Variants in RASGRP3 observed in about 807,000 individuals in gnomAD.
The protein encoded by RASGRP3 is RAS guanyl releasing protein 3.
In RASGRP3, 54 loss-of-function variants were observed where a neutral mutation model predicts 82.7. The observed-to-expected ratio is 0.65, with a 90% CI of 0.52 to 0.82. The LOEUF (loss-of-function observed/expected upper bound fraction) is 0.82. RASGRP3 is among the 40% of genes least tolerant of loss of function. The pLI, the probability that RASGRP3 is intolerant of heterozygous loss-of-function variation, is 0.00. For missense variants in RASGRP3, 861 were observed against 828.9 expected (o/e 1.04, Z -0.48); for synonymous variants, 309 against 300.5 (o/e 1.03, Z -0.29).
At chr2:33,540,578 G>GT (rs375465101) in intron 12 of RASGRP3, among the ~76,000 whole-genome samples, 2 of 68,394 alleles carry the variant, frequency 2.9e-5, no homozygotes, top group Non-Finnish European at 8.1e-5. Flanking sequence ...GTGTGTGTGT[G>GT]TGTGTGTGTG....
intron 2 of RASGRP3, among the ~76,000 whole-genome samples, chr2:33,471,349 T>A (rs796465966): frequency 1.4e-5 from 2 of 147,024 alleles, no homozygotes; most frequent in African/African-American, 5.1e-5. Context: ...CTATTTTTTT[T>A]TTTTTTTTTT....
intron 17 of RASGRP3, among the ~76,000 whole-genome samples, chr2:33,562,460 G>A (rs147384226): frequency 1.3e-5 from 2 of 150,988 alleles, no homozygotes; most frequent in South Asian, 2.1e-4. Flanking sequence ...TTGTAGAGAC[G>A]GGGTCTTGCT....
At chr2:33,524,855 G>A (rs533804473) in intron 9 of RASGRP3, among the ~76,000 whole-genome samples, 44 of 152,010 alleles carry the variant, frequency 2.9e-4, no homozygotes, top group African/African-American at 7.5e-4. Flanking sequence ...TGAGGCGGGC[G>A]GATCACAAGG....
intron 2 of RASGRP3, among the ~76,000 whole-genome samples, chr2:33,464,924 C>T (rs1026341967): frequency 1.3e-5 from 2 of 152,174 alleles, no homozygotes; most frequent in African/African-American, 4.8e-5. Flanking sequence ...TCTCCTCAGG[C>T]CTTCCTATTC....
chr2:33,497,027 CT>C (rs1558445859), intron 1 of RASGRP3, among the ~76,000 whole-genome samples: 3 of 152,168 alleles, frequency 2.0e-5, no homozygotes, highest in Admixed American at 6.6e-5. Context: ...TTAATGGTAG[CT>C]TTTTTTCTTT....
intron 2 of RASGRP3, among the ~76,000 whole-genome samples, chr2:33,512,817 A>AG (rs1671060440): frequency 6.6e-6 from 1 of 152,222 alleles, no homozygotes; most frequent in Non-Finnish European, 1.5e-5. Flanking sequence ...TTAGGTGTTA[A>AG]GGTGTATACC....
At chr2:33,464,343 C>A (rs1666558886) in intron 2 of RASGRP3, among the ~76,000 whole-genome samples, 1 of 151,166 alleles carries the variant, frequency 6.6e-6, no homozygotes, top group Admixed American at 6.6e-5. Flanking sequence ...TGGTCTTGAA[C>A]TCCTGAGCTC....
At chr2:33,523,011 G>T (rs1672178327) in intron 7 of RASGRP3, among the ~76,000 whole-genome samples, 1 of 152,168 alleles carries the variant, frequency 6.6e-6, no homozygotes, top group Admixed American at 6.5e-5. Flanking sequence ...CCTTGCTAAA[G>T]AGCAGCCTTA....
chr2:33,527,269 GTCA>G lies in RASGRP3; in HGVS notation c.942_944del (p.Ile315del). 6.2e-7 allele frequency: 1 copy of G among 1,613,996 alleles called. No individual in the cohort carries two copies. The highest frequency in any genetic ancestry group is 8.5e-7 in the Non-Finnish European group (1 of 1,179,888). On this transcript the variant is annotated inframe_deletion, in exon 10 of 18. Transcript: ENST00000403687. ...CTTGAAAGACTTGATAGCTGTCCAT[GTCA>G]TTTTCCCAGACTGGACAGAGGAGAA...
At chr2:33,559,294 G>A (rs566770251) in intron 17 of RASGRP3, among the ~76,000 whole-genome samples, 11 of 152,266 alleles carry the variant, frequency 7.2e-5, no homozygotes, top group East Asian at 5.8e-4. Context: ...TCATGTGTGC[G>A]TACTGAAATG....
chr2:33,559,505 CAG>C (rs907430439), intron 17 of RASGRP3: 2 of 413,492 alleles, frequency 4.8e-6, no homozygotes, highest in African/African-American at 4.1e-5. Context: ...TGGTGAGAAT[CAG>C]AGATACGAGG....
In RASGRP3 at chr2:33,549,722, C is replaced by T; in HGVS notation, c.1513C>T (p.Pro505Ser). The T allele has an allele frequency of 6.2e-7, 1 of 1,613,928 alleles. No individual in the cohort carries two copies. The highest frequency in any genetic ancestry group is 1.1e-5 in the South Asian group (1 of 91,048). ...TTTTCAGGAGATGACCTATCTCAAG[C>T]CAACCTTCTGCGAACACTGTGCGGG... ...HNFQEMTYLK[P>S]TFCEHCAGFL... Residue 505 changes from proline to serine, a missense_variant, in exon 14 of 18, where the codon CCA (proline) becomes TCA (serine). Transcript: ENST00000403687.
At chr2:33,501,915 T>C (rs1034865116) in intron 1 of RASGRP3, among the ~76,000 whole-genome samples, 1 of 152,200 alleles carries the variant, frequency 6.6e-6, no homozygotes, top group African/African-American at 2.4e-5. Context: ...GGCTAAGCCT[T>C]AGCATAAGAA....
At chr2:33,538,374 G>A (rs2151065723) in intron 11 of RASGRP3, among the ~76,000 whole-genome samples, 1 of 152,020 alleles carries the variant, frequency 6.6e-6, no homozygotes, top group African/African-American at 2.4e-5. Flanking sequence ...TTGATGGTGG[G>A]TATCTGTAAT....
At chr2:33,490,893 G>A (rs951290179) in intron 1 of RASGRP3, among the ~76,000 whole-genome samples, 9 of 152,334 alleles carry the variant, frequency 5.9e-5, no homozygotes, top group African/African-American at 2.2e-4. Context: ...TGTCTGGAAG[G>A]TAGAGACGTA....
rs59601670 is a variant in RASGRP3 at position 33,547,342 on chromosome 2, C to CTTTTTTTTTTTTTTTT, written c.1395-2248_1395-2233dup. On this transcript the variant is annotated intron_variant, in intron 13 of 17. Transcript: ENST00000403687. The stretch of plus-strand genomic sequence containing the variant: ...CCCGCAAGCTTGAGAATATAGAATC[C>CTTTTTTTTTTTTTTTT]TTTTTTTTTTTTTTTTTTTTTTTTT... 3.2e-4 allele frequency among the ~76,000 whole-genome samples: 22 copies of CTTTTTTTTTTTTTTTT among 68,208 alleles called. 2 individuals carry two copies. The highest frequency in any genetic ancestry group is 4.4e-4 in the Non-Finnish European group (17 of 39,016). 44.7% of individuals were successfully genotyped at this position (68,208 alleles called of 152,430 possible). A position where few individuals can be genotyped will look rare whatever the true frequency, so the allele number is the denominator to read the frequency against.
intron 1 of RASGRP3, among the ~76,000 whole-genome samples, chr2:33,494,454 G>T (rs1406055289): frequency 1.3e-5 from 2 of 152,162 alleles, no homozygotes; most frequent in African/African-American, 4.8e-5. Flanking sequence ...CATTCTAAGG[G>T]CTAGAAATTA....
rs768682900 is a variant in RASGRP3, at chr2:33,539,116, C to A, written c.1184C>A (p.Pro395His). The stretch of plus-strand genomic sequence containing the variant: ...CAGCAGCCTACCTCCCCTACGACGC[C>A]CAACAAGCCTGTGGTACCCCTGGAG... ...SKSQPTSPTT[P>H]NKPVVPLEWA... Residue 395 changes from proline (P) to histidine (H), a missense_variant, in exon 12 of 18, where the codon CCC becomes CAC. Pro to His is a moderately conservative substitution (Grantham distance 77). Coordinates refer to ENST00000403687, the MANE Select transcript of RASGRP3 (RefSeq NM_001139488.2). 6.2e-7 allele frequency: 1 copy of A among 1,609,718 alleles called. No individual in the cohort carries two copies. Among genetic ancestry groups the A allele is most frequent in the East Asian group, 2.2e-5 (1 of 44,768 alleles).
chr2:33,488,954 A>AT (rs5830263), intron 1 of RASGRP3, among the ~76,000 whole-genome samples: 4,157 of 147,034 alleles, frequency 0.028, 182 homozygotes, highest in East Asian at 0.14. Context: ...GGTTTGACCG[A>AT]TTTTTTTTTT....
Sources: gnomAD v4.1 joint callset for allele counts (sites outside exome capture counted in the v4.1 genomes callset) on GRCh38, gnomAD v4.1.1 for gene constraint, MANE v1.5 for transcripts, NCBI Gene and HGNC (gene_info 2026-07-23, HGNC 2026-07-21) for gene names.